Variants in PCDH15 observed in about 807,000 individuals in gnomAD.
PCDH15 encodes protocadherin-15.
In PCDH15, 129 loss-of-function variants were observed where a neutral mutation model predicts 178.5. That is an observed-to-expected ratio of 0.72 (90% confidence interval 0.63 to 0.84). The LOEUF (loss-of-function observed/expected upper bound fraction) is 0.84. Ranked by LOEUF, PCDH15 falls within the 40% of genes least tolerant of loss-of-function variation. PCDH15 has a pLI of 0.00. For missense variants in PCDH15, 2,230 were observed against 2,099.9 expected (o/e 1.06, Z -1.21); for synonymous variants, 800 against 732.0 (o/e 1.09, Z -1.50).
At chr10:55,408,000 C>T (rs1386940962) in intron 2 of PCDH15, among the ~76,000 whole-genome samples, 1 of 151,968 alleles carries the variant, frequency 6.6e-6, no homozygotes, top group African/African-American at 2.4e-5. Flanking sequence ...CTCACAGAGG[C>T]ACCAAAAATG....
intron 2 of PCDH15, among the ~76,000 whole-genome samples, chr10:54,584,494 A>T (rs1387240155): frequency 6.6e-6 from 1 of 152,158 alleles, no homozygotes; most frequent in Non-Finnish European, 1.5e-5. Context: ...ACAAGTTTTT[A>T]AAATTTCACC....
At chr10:55,500,735 A>C (rs1840639342) in intron 2 of PCDH15, among the ~76,000 whole-genome samples, 1 of 151,812 alleles carries the variant, frequency 6.6e-6, no homozygotes, top group African/African-American at 2.4e-5. Flanking sequence ...ACCCATGTGA[A>C]CTTAGGTAAA....
At chr10:55,590,731 G>T (rs1367471102) in intron 2 of PCDH15, among the ~76,000 whole-genome samples, 2 of 152,096 alleles carry the variant, frequency 1.3e-5, no homozygotes, top group Non-Finnish European at 2.9e-5. Flanking sequence ...GACAAATTAA[G>T]ATTGTAAGTC....
At chr10:54,331,817 C>T (rs1187809586) in intron 6 of PCDH15, among the ~76,000 whole-genome samples, 2 of 151,954 alleles carry the variant, frequency 1.3e-5, no homozygotes, top group Non-Finnish European at 2.9e-5. Flanking sequence ...TCAGAGGAGG[C>T]TATGTCTCTA....
At chr10:53,821,184 A>T in intron 32 of PCDH15, 6 of 973,332 alleles carry the variant, frequency 6.2e-6, no homozygotes, top group Non-Finnish European at 7.3e-6. Context: ...CAACTGAAAA[A>T]GTATAAGATT....
chr10:55,055,518 T>G (rs1841275381), intron 2 of PCDH15, among the ~76,000 whole-genome samples: 2 of 151,860 alleles, frequency 1.3e-5, no homozygotes, highest in Non-Finnish European at 2.9e-5. Flanking sequence ...GAAAACAGGG[T>G]GAGGTTGGGT....
chr10:54,249,626 T>C (rs1184611329), intron 8 of PCDH15, among the ~76,000 whole-genome samples: 1 of 152,206 alleles, frequency 6.6e-6, no homozygotes, highest in East Asian at 1.9e-4. Flanking sequence ...CCTTTTAGTG[T>C]TGTTTTTGAC....
chr10:55,519,748 A>G (rs1324658268), intron 2 of PCDH15, among the ~76,000 whole-genome samples: 1 of 150,668 alleles, frequency 6.6e-6, no homozygotes, highest in East Asian at 2.0e-4. Flanking sequence ...TTTTTTTTAC[A>G]ATTTCCCAGT....
chr10:55,270,685 C>A (rs1842420991), intron 1 of PCDH15, among the ~76,000 whole-genome samples: 2 of 152,208 alleles, frequency 1.3e-5, no homozygotes, highest in Non-Finnish European at 2.9e-5. Flanking sequence ...TGCTTATACA[C>A]TGTTGGTGAG....
At chr10:53,816,022 A>C (rs1588899707) in intron 35 of PCDH15, among the ~76,000 whole-genome samples, 1 of 152,180 alleles carries the variant, frequency 6.6e-6, no homozygotes, top group Non-Finnish European at 1.5e-5. Context: ...TCATTCCCAG[A>C]GAATGAGGCT....
At chr10:54,138,196 T>A (rs1339322119) in intron 14 of PCDH15, among the ~76,000 whole-genome samples, 1 of 152,184 alleles carries the variant, frequency 6.6e-6, no homozygotes, top group Non-Finnish European at 1.5e-5. Context: ...GTATGGACAC[T>A]TTTTGGGGGT....
intron 18 of PCDH15, among the ~76,000 whole-genome samples, chr10:54,048,705 TG>T (rs2093704836): frequency 6.6e-6 from 1 of 152,100 alleles, no homozygotes; most frequent in Non-Finnish European, 1.5e-5. Flanking sequence ...GGTTTAATTC[TG>T]GGGTCTCCAT....
At chr10:54,254,772 T>A (rs567579486) in intron 8 of PCDH15, among the ~76,000 whole-genome samples, 1 of 152,330 alleles carries the variant, frequency 6.6e-6, no homozygotes, top group African/African-American at 2.4e-5. Flanking sequence ...CAGGGTACTG[T>A]TGATAACTCT....
intron 25 of PCDH15, among the ~76,000 whole-genome samples, chr10:53,913,984 A>G (rs1419176720): frequency 1.3e-5 from 2 of 152,194 alleles, no homozygotes; most frequent in South Asian, 2.1e-4. Context: ...AAAAGAAGAC[A>G]TTTATGCAGC....
chr10:54,723,587 ATAAT>A (rs1942008191), intron 1 of PCDH15, among the ~76,000 whole-genome samples: 1 of 151,908 alleles, frequency 6.6e-6, no homozygotes. Flanking sequence ...AACAAAATAA[ATAAT>A]TAACAGATTA....
intron 3 of PCDH15, among the ~76,000 whole-genome samples, chr10:54,841,060 C>T (rs935886216): frequency 4.0e-5 from 6 of 151,732 alleles, no homozygotes; most frequent in Non-Finnish European, 7.4e-5. Flanking sequence ...AATAATACTA[C>T]CAAATTGAGC....
intron 7 of PCDH15, among the ~76,000 whole-genome samples, chr10:54,319,973 G>A (rs2061496145): frequency 1.3e-5 from 2 of 151,922 alleles, no homozygotes; most frequent in African/African-American, 4.8e-5. Flanking sequence ...GTGGTTCCAG[G>A]ATTCTTTGAT....
intron 2 of PCDH15, among the ~76,000 whole-genome samples, chr10:54,938,400 C>A (rs1733761): frequency 0.022 from 3,313 of 151,254 alleles, 119 homozygotes; most frequent in African/African-American, 0.073. Context: ...TTTACTTACT[C>A]GTAATATTTC....
chr10:54,177,709 C>T (rs117370973), intron 13 of PCDH15, among the ~76,000 whole-genome samples: 4,095 of 152,238 alleles, frequency 0.027, 79 homozygotes, highest in Middle Eastern at 0.078. Context: ...ACAAACAAGA[C>T]TGCAAGGTGC....
Sources: gnomAD v4.1 joint callset for allele counts (sites outside exome capture counted in the v4.1 genomes callset) on GRCh38, gnomAD v4.1.1 for gene constraint, MANE v1.5 for transcripts, NCBI Gene and HGNC (gene_info 2026-07-23, HGNC 2026-07-21) for gene names.